Variants in CSN2 observed in about 807,000 individuals in gnomAD.
CSN2 encodes beta-casein.
A neutral mutation model predicts 27.3 loss-of-function variants in CSN2; 27 were observed. The ratio of observed to expected loss-of-function variants is 0.99; its 90% CI spans 0.73 to 1.36. CSN2 has a LOEUF of 1.36. Ranked by LOEUF, CSN2 falls within the 40% of genes most tolerant of loss-of-function variation. CSN2 has a pLI of 0.00. For synonymous variants in CSN2, 131 were observed against 94.8 expected, an observed-to-expected ratio of 1.38 and a Z score of -2.22; for missense variants, 333 against 264.5, an observed-to-expected ratio of 1.26 and a Z score of -1.80.
rs2109741837 is a variant in CSN2, at chr4:69,957,407, T to C, written c.542A>G (p.Gln181Arg). The C allele has an allele frequency of 6.2e-7, 1 of 1,613,352 alleles. No homozygotes were observed. The highest frequency in any genetic ancestry group is 1.1e-5 in the South Asian group (1 of 91,040). The change falls in exon 6 of 8, where the codon CAG (glutamine) becomes CGG (arginine). Residue 181 changes from glutamine (Q) to arginine (R), a missense_variant. Physicochemically the swap from Gln to Arg is conservative, Grantham distance 43. Coordinates refer to ENST00000353151, the MANE Select transcript of CSN2 (RefSeq NM_001891.4). The part of the protein sequence containing the change: ...VPQPKVLPIP[Q>R]QVVPYPQRAV... ...TCTCTGAGGGTAGGGCACCACTTGC[T>C]GGGGGATAGGCAGGACTTTGGGCTG...
At chr4:69,962,268 A>G (rs889282083) in intron 1 of CSN2, among the ~76,000 whole-genome samples, 1 of 152,210 alleles carries the variant, frequency 6.6e-6, no homozygotes. Flanking sequence ...AAGAGGCCAC[A>G]TTGCCAAGTA....
At chr4:69,956,071 C>T (rs1723387563) in intron 7 of CSN2, among the ~76,000 whole-genome samples, 1 of 152,010 alleles carries the variant, frequency 6.6e-6, no homozygotes, top group East Asian at 1.9e-4. Flanking sequence ...AGTATATAGG[C>T]CCTTGAAAGC....
intron 1 of CSN2, among the ~76,000 whole-genome samples, chr4:69,964,435 CAATTTTTGAACTA>C (rs1245963477): frequency 6.6e-6 from 1 of 151,952 alleles, no homozygotes; most frequent in South Asian, 2.1e-4. Context: ...TATTGAAACT[CAATTTTTGAACTA>C]AATTTTTGAA....
At position 69,960,058 on chromosome 4, in the gene CSN2, T is replaced by G. The variant is rs745520012; in HGVS notation, c.73A>C (p.Ser25Arg). 39 of 1,611,932 alleles carry G rather than the reference T, an allele frequency of 2.4e-5. No individual in the cohort carries two copies. Among genetic ancestry groups the G allele is most frequent in the Non-Finnish European group, 3.2e-5 (38 of 1,178,696 alleles). Residue 25 changes from serine (S) to arginine (R), a missense_variant, in exon 3 of 8, where the codon AGT (serine) becomes CGT (arginine). Physicochemically the swap from Ser to Arg is moderately radical, Grantham distance 110. Transcript: ENST00000353151. Reference sequence around the variant, plus strand: ...TGGGTAGAATGTTAACTTACCTCACTGCTTGAAAGGCTTTCTATGGTCTGT... The same window carrying G: ...TGGGTAGAATGTTAACTTACCTCACGGCTTGAAAGGCTTTCTATGGTCTGT... Reference protein sequence around the residue: ...ARETIESLSSSEESITEYKQK... With the variant: ...ARETIESLSSREESITEYKQK...
At position 69,957,394 on chromosome 4, in the gene CSN2, G is replaced by A; in HGVS notation, c.555C>T (p.Pro185=). 6.2e-7 allele frequency: 1 copy of A among 1,613,616 alleles called. No individual in the cohort carries two copies. The highest frequency in any genetic ancestry group is 1.1e-5 in the South Asian group (1 of 91,062). Residue 185 remains proline, a synonymous_variant, in exon 6 of 8, where the codon CCC becomes CCT. Coordinates refer to ENST00000353151, the MANE Select transcript of CSN2 (RefSeq NM_001891.4). ...GAACAGGCACAGCTCTCTGAGGGTAGGGCACCACTTGCTGGGGGATAGGCA... is the reference window on the plus strand; with the variant it reads ...GAACAGGCACAGCTCTCTGAGGGTAAGGCACCACTTGCTGGGGGATAGGCA... ...KVLPIPQQVV[P]YPQRAVPVQA... is the part of the protein sequence containing the mutation.
chr4:69,960,117 T>C lies in CSN2; in HGVS notation c.52-38A>G, dbSNP rs1261794587. 5 of 1,583,030 alleles carry C rather than the reference T, an allele frequency of 3.2e-6. No individual in the cohort carries two copies. The South Asian group carries it at 3.3e-5, about 11-fold the overall frequency. ...AAAATTGACAACCAGCTAAATCTTC[T>C]AGATCATTAGAGAATTTTACTATTT... On this transcript the variant is annotated intron_variant, in intron 2 of 7. Transcript: ENST00000353151.
intron 1 of CSN2, among the ~76,000 whole-genome samples, chr4:69,964,104 C>T (rs1578147010): frequency 6.6e-6 from 1 of 152,016 alleles, no homozygotes; most frequent in South Asian, 2.1e-4. Context: ...GTTTCTTCTC[C>T]GTTTATATTC....
chr4:69,956,247 G>T, intron 7 of CSN2, 67 bp downstream of exon 7: 2 of 1,113,464 alleles, frequency 1.8e-6, no homozygotes, highest in Non-Finnish European at 2.3e-6. Context: ...TTCTCTAGGA[G>T]AATTAAATGT....
At chr4:69,959,347 C>A (rs1007252351) in intron 3 of CSN2, among the ~76,000 whole-genome samples, 6 of 151,864 alleles carry the variant, frequency 4.0e-5, no homozygotes, top group African/African-American at 1.5e-4. Flanking sequence ...TATCTAAAAC[C>A]CCATCTGATT....
chr4:69,958,848 AT>A, intron 5 of CSN2, 60 bp downstream of exon 5: 1 of 1,040,262 alleles, frequency 9.6e-7, no homozygotes, highest in Non-Finnish European at 1.4e-6. Context: ...CATTATAAAT[AT>A]TTTTGTATGT....
chr4:69,963,903 A>G (rs1578146929), intron 1 of CSN2, among the ~76,000 whole-genome samples: 1 of 151,966 alleles, frequency 6.6e-6, no homozygotes, highest in East Asian at 2.0e-4. Context: ...CCTCAGTTCT[A>G]CTGGAAGAGA....
intron 1 of CSN2, among the ~76,000 whole-genome samples, chr4:69,965,440 AT>A (rs1723773466): frequency 7.3e-6 from 1 of 136,424 alleles, no homozygotes; most frequent in African/African-American, 2.6e-5. Context: ...ATATATATAT[AT>A]ATATGCATAA....
chr4:69,959,935 T>C (rs1375492443), intron 3 of CSN2, 118 bp downstream of exon 3: 2 of 779,696 alleles, frequency 2.6e-6, no homozygotes, highest in Non-Finnish European at 2.1e-6. Flanking sequence ...AAAAGAAATA[T>C]GTACTAGAAC....
Position 69,957,676 on chromosome 4 carries a change from C to A in CSN2, c.273G>T (p.Leu91=). 1 of 1,613,946 alleles carries A rather than the reference C, an allele frequency of 6.2e-7. No individual in the cohort carries two copies. Among genetic ancestry groups the A allele is most frequent in the Non-Finnish European group, 8.5e-7 (1 of 1,179,994 alleles). The change falls in exon 6 of 8, where the codon CTG becomes CTT. Residue 91 remains leucine, a synonymous_variant. Coordinates refer to ENST00000353151, the MANE Select transcript of CSN2 (RefSeq NM_001891.4). The stretch of plus-strand genomic sequence containing the variant: ...CCATTATTTCAGGCTGAGGGACAGG[C>A]AGCACCACAGCAGGCTGAGCAAGAG... The part of the protein sequence containing the change: ...ILPLAQPAVV[L]PVPQPEIMEV...
rs578229186 is a variant in CSN2 at position 69,956,445 on chromosome 4, C to T, written c.676-90G>A. The T allele has an allele frequency of 1.3e-4, 133 of 1,035,534 alleles. 1 individual carries two copies. The African/African-American group carries it at 1.9e-3, about 15-fold the overall frequency. 64.1% of individuals were successfully genotyped at this position (1,035,534 alleles called of 1,614,324 possible). A position where few individuals can be genotyped will look rare whatever the true frequency, so the allele number is the denominator to read the frequency against. ...TTGTAAGTAGTGAAATAAGCATCTC[C>T]GTCTTTTGCCTTCATATATATTTAC... On this transcript the variant is annotated intron_variant, in intron 6 of 7. Coordinates refer to ENST00000353151, the MANE Select transcript of CSN2 (RefSeq NM_001891.4).
At chr4:69,965,348 T>G (rs1041942861) in intron 1 of CSN2, among the ~76,000 whole-genome samples, 1 of 58,942 alleles carries the variant, frequency 1.7e-5, no homozygotes, top group Non-Finnish European at 4.2e-5. Context: ...CTAAATCAAA[T>G]TGGAAGATTA....
rs1041942861 is a variant in CSN2 at position 69,965,348 on chromosome 4, T to C, written c.-13+333A>G. ...TATAACTGTGATATGCTAAATCAAATTGGAAGATTAATTAAAAAAATGAAT... is the reference window on the plus strand; with the variant it reads ...TATAACTGTGATATGCTAAATCAAACTGGAAGATTAATTAAAAAAATGAAT... On this transcript the variant is annotated intron_variant, in intron 1 of 7. Transcript: ENST00000353151. Among the ~76,000 whole-genome samples, 43 of 58,942 alleles carry C rather than the reference T, an allele frequency of 7.3e-4. 1 individual carries two copies. Among genetic ancestry groups the C allele is most frequent in the African/African-American group, 2.2e-3 (41 of 18,936 alleles). The allele number at this position is 58,942 out of a possible 152,430, so 38.7% of individuals were successfully genotyped here. A position where few individuals can be genotyped will look rare whatever the true frequency, so the allele number is the denominator to read the frequency against.
At chr4:69,958,677 A>G (rs575296184) in intron 5 of CSN2, among the ~76,000 whole-genome samples, 1 of 152,170 alleles carries the variant, frequency 6.6e-6, no homozygotes, top group South Asian at 2.1e-4. Flanking sequence ...TACCATTAGT[A>G]ATATCATTAT....
chr4:69,962,221 T>TG (rs1398302320), intron 1 of CSN2, among the ~76,000 whole-genome samples: 3 of 151,998 alleles, frequency 2.0e-5, no homozygotes, highest in Non-Finnish European at 2.9e-5. Context: ...TTCACAGAAT[T>TG]GAAAAAAACT....
Sources: allele counts gnomAD v4.1 joint callset (sites outside exome capture counted in the v4.1 genomes callset), GRCh38; gene constraint gnomAD v4.1.1; transcripts MANE v1.5; gene names NCBI Gene and HGNC (gene_info 2026-07-23, HGNC 2026-07-21).